TRDN: variants seen among roughly 807,000 people sequenced by gnomAD.
TRDN encodes the protein triadin.
Under a neutral mutation model 149.7 loss-of-function variants are expected in TRDN, and 161 were observed. The ratio of observed to expected loss-of-function variants is 1.08; its 90% CI spans 0.95 to 1.23. TRDN has a LOEUF of 1.23. TRDN is among the 50% of genes most tolerant of loss of function. The pLI is 0.00. For missense variants in TRDN, 896 were observed against 823.5 expected (o/e 1.09, Z -1.08); for synonymous variants, 294 against 250.5 (o/e 1.17, Z -1.64).
In TRDN at chr6:123,316,483, T is replaced by C; in HGVS notation, c.1484A>G (p.Lys495Arg). 6.2e-7 allele frequency: 1 copy of C among 1,610,562 alleles called. No individual in the cohort carries two copies. Among genetic ancestry groups the C allele is most frequent in the East Asian group, 2.2e-5 (1 of 44,664 alleles). ...TGCTTTGGACATCTTTTCATCTTTT[T>C]TAGTTTCAGGTTCTGGGGCAAAACG... ...ASLKEKEPET[K>R]KDEKMSKAGK... The change falls in exon 24 of 41, where the codon AAA (lysine) becomes AGA (arginine). Residue 495 changes from lysine (K) to arginine (R), a missense_variant. Coordinates refer to ENST00000334268, the MANE Select transcript of TRDN (RefSeq NM_006073.4).
chr6:123,527,124 C>T (rs1462728308), intron 5 of TRDN, among the ~76,000 whole-genome samples: 1 of 151,918 alleles, frequency 6.6e-6, no homozygotes, highest in East Asian at 1.9e-4. Flanking sequence ...AATTAAAGAC[C>T]TTTCTAAAAG....
intron 13 of TRDN, 59 bp downstream of exon 13, chr6:123,393,565 A>G: frequency 6.7e-7 from 1 of 1,487,806 alleles, no homozygotes; most frequent in Non-Finnish European, 9.1e-7. Flanking sequence ...GCTTTTGTCA[A>G]TAAAGTGCTA....
intron 38 of TRDN, among the ~76,000 whole-genome samples, chr6:123,241,146 G>T (rs189371946): frequency 6.6e-6 from 1 of 151,282 alleles, no homozygotes; most frequent in Non-Finnish European, 1.5e-5. Context: ...CTTCAAATGG[G>T]AATGACATAC....
intron 9 of TRDN, among the ~76,000 whole-genome samples, chr6:123,496,264 T>C: frequency 6.6e-6 from 1 of 151,076 alleles, no homozygotes; most frequent in East Asian, 1.9e-4. Flanking sequence ...TTTTCCGGAG[T>C]GCAAAGGTTC....
At chr6:123,619,414 C>T (rs1385034465) in intron 1 of TRDN, among the ~76,000 whole-genome samples, 2 of 152,062 alleles carry the variant, frequency 1.3e-5, no homozygotes, top group Non-Finnish European at 2.9e-5. Flanking sequence ...AGGTCAAGGT[C>T]TTGGTCTCTT....
At chr6:123,559,990 A>G (rs1781893898) in intron 2 of TRDN, among the ~76,000 whole-genome samples, 1 of 152,210 alleles carries the variant, frequency 6.6e-6, no homozygotes, top group Non-Finnish European at 1.5e-5. Flanking sequence ...TACTGCCACA[A>G]GGCTTCACAG....
intron 12 of TRDN, among the ~76,000 whole-genome samples, chr6:123,426,985 T>C (rs1351013358): frequency 6.6e-6 from 1 of 152,066 alleles, no homozygotes; most frequent in Non-Finnish European, 1.5e-5. Context: ...TATAAATAAT[T>C]ATTAAACTTT....
chr6:123,467,541 A>T (rs1209294630), intron 9 of TRDN, among the ~76,000 whole-genome samples: 1 of 152,038 alleles, frequency 6.6e-6, no homozygotes, highest in Non-Finnish European at 1.5e-5. Flanking sequence ...AAAAAAATTA[A>T]AAAAAGAAAG....
chr6:123,337,761 A>C (rs1779927140), intron 21 of TRDN, 92 bp from the exon 22 acceptor site: 2 of 665,174 alleles, frequency 3.0e-6, no homozygotes, highest in African/African-American at 3.8e-5. Flanking sequence ...CTGAGGCTTA[A>C]GATCACAGGG....
At chr6:123,542,362 A>G (rs1174525203) in intron 4 of TRDN, among the ~76,000 whole-genome samples, 1 of 152,192 alleles carries the variant, frequency 6.6e-6, no homozygotes, top group African/African-American at 2.4e-5. Context: ...CCATAAGGCC[A>G]CCATGGTCCT....
At chr6:123,606,197 T>A (rs1784519465) in intron 1 of TRDN, among the ~76,000 whole-genome samples, 1 of 152,160 alleles carries the variant, frequency 6.6e-6, no homozygotes. Flanking sequence ...GTAGTTTAAG[T>A]ATCAACTTTA....
rs151262991 is a variant in TRDN, at chr6:123,613,479, A to C, written c.22+23275T>G. On this transcript the variant is annotated intron_variant, in intron 1 of 40. Transcript: ENST00000334268. ...AGGTAACACTATTAATTAATCCACT[A>C]TTTTATTCTGCTCAATGAACTCAAT... is the stretch of plus-strand genomic sequence containing the variant. Among the ~76,000 whole-genome samples the C allele has an allele frequency of 9.9e-4, 151 of 152,268 alleles. 1 individual carries two copies. The highest frequency in any genetic ancestry group is 3.6e-3 in the African/African-American group (148 of 41,564).
At chr6:123,290,061 A>G (rs1280049104) in intron 24 of TRDN, among the ~76,000 whole-genome samples, 4 of 152,170 alleles carry the variant, frequency 2.6e-5, no homozygotes, top group Non-Finnish European at 4.4e-5. Flanking sequence ...GCAGATAAAC[A>G]GCTGCCTGAA....
intron 4 of TRDN, among the ~76,000 whole-genome samples, chr6:123,543,745 A>T (rs1185746400): frequency 6.6e-6 from 1 of 152,108 alleles, no homozygotes; most frequent in African/African-American, 2.4e-5. Context: ...CCCTTTTAAA[A>T]ACTGAGTTGA....
intron 12 of TRDN, among the ~76,000 whole-genome samples, chr6:123,421,968 CA>C (rs796375837): frequency 6.0e-5 from 9 of 150,492 alleles, no homozygotes; most frequent in African/African-American, 2.0e-4. Context: ...GGTCACATCT[CA>C]AAAAAAAGAA....
intron 38 of TRDN, among the ~76,000 whole-genome samples, chr6:123,248,944 T>G (rs1377023508): frequency 6.6e-6 from 1 of 152,068 alleles, no homozygotes; most frequent in Non-Finnish European, 1.5e-5. Flanking sequence ...ATATCTCTGT[T>G]GAATATAGAT....
chr6:123,305,163 T>G (rs1437298933), intron 24 of TRDN, among the ~76,000 whole-genome samples: 1 of 152,116 alleles, frequency 6.6e-6, no homozygotes, highest in East Asian at 1.9e-4. Flanking sequence ...AATTTCTGAC[T>G]TCAAGAGTTC....
At chr6:123,533,101 T>C (rs528460603) in intron 4 of TRDN, among the ~76,000 whole-genome samples, 1 of 152,258 alleles carries the variant, frequency 6.6e-6, no homozygotes, top group Admixed American at 6.5e-5. Context: ...GAGTTGCCTT[T>C]AAGAGATCAT....
intron 10 of TRDN, among the ~76,000 whole-genome samples, chr6:123,463,753 A>AT (rs1248680236): frequency 6.7e-6 from 1 of 149,294 alleles, no homozygotes; most frequent in Non-Finnish European, 1.5e-5. Flanking sequence ...TGTAATTCTG[A>AT]TTTTTTTGGT....
Sources: gnomAD v4.1 joint callset for allele counts (sites outside exome capture counted in the v4.1 genomes callset) on GRCh38, gnomAD v4.1.1 for gene constraint, MANE v1.5 for transcripts, NCBI Gene and HGNC (gene_info 2026-07-23, HGNC 2026-07-21) for gene names.